Variants in PRKAG1 observed in about 807,000 individuals in gnomAD.
The protein encoded by PRKAG1 is protein kinase AMP-activated non-catalytic subunit gamma 1, also known as 5'-AMP-activated protein kinase subunit gamma-1.
A neutral mutation model predicts 48.2 loss-of-function variants in PRKAG1; 27 were observed. The observed-to-expected ratio is 0.56, with a 90% CI of 0.41 to 0.77. The LOEUF (loss-of-function observed/expected upper bound fraction) is 0.77, where lower values mean the gene tolerates loss of function less well. PRKAG1 is among the 30% of genes least tolerant of loss of function. The probability of loss-of-function intolerance (pLI) is 0.00; values close to 1 mark genes in which losing one functional copy is unlikely to be tolerated. For synonymous variants in PRKAG1, 130 were observed against 147.7 expected (o/e 0.88, Z 0.87); for missense variants, 287 against 398.3 (o/e 0.72, Z 2.38).
At chr12:49,008,067 C>G (rs1941615458) in intron 2 of PRKAG1, among the ~76,000 whole-genome samples, 1 of 152,096 alleles carries the variant, frequency 6.6e-6, no homozygotes, top group African/African-American at 2.4e-5. Flanking sequence ...CCACATTGGC[C>G]AGGCTGATCT....
At chr12:49,008,865 G>A (rs1941651212) in intron 2 of PRKAG1, among the ~76,000 whole-genome samples, 1 of 152,078 alleles carries the variant, frequency 6.6e-6, no homozygotes, top group Admixed American at 6.6e-5. Flanking sequence ...TGTTTCCAGT[G>A]TTCTGAAATC....
Position 49,002,622 on chromosome 12 carries a change from C to CTA in PRKAG1, c.*275_*276dup. 1 of 511,090 alleles carries CTA rather than the reference C, an allele frequency of 2.0e-6. No individual in the cohort carries two copies. The highest frequency in any genetic ancestry group is 3.6e-6 in the Non-Finnish European group (1 of 279,156). 31.7% of individuals were successfully genotyped at this position (511,090 alleles called of 1,614,324 possible). ...AGAATTTGTCTGAGAGGCACAGAGC[C>CTA]TATAGTTCACCCAGAAAGGGGGATA... On this transcript the variant is annotated 3_prime_UTR_variant, in exon 12 of 12. Coordinates refer to ENST00000548065, the MANE Select transcript of PRKAG1 (RefSeq NM_002733.5).
Position 49,005,433 on chromosome 12 carries a change from A to G in PRKAG1, c.250+29T>C. 1 of 1,614,052 alleles carries G rather than the reference A, an allele frequency of 6.2e-7. No homozygotes were observed. Among genetic ancestry groups the G allele is most frequent in the Non-Finnish European group, 8.5e-7 (1 of 1,180,018 alleles). ...TCCCTGCCCAGCACAAGATGCCAAT[A>G]ATATTGTGTTCCAGAAACTTTTGCT... is the stretch of plus-strand genomic sequence containing the variant. On this transcript the variant is annotated intron_variant, in intron 4 of 11. Transcript: ENST00000548065. The surrounding 1 kb of genome is among the most constrained non-coding windows in gnomAD (Gnocchi z 4.1).
intron 2 of PRKAG1, among the ~76,000 whole-genome samples, chr12:49,009,974 G>T (rs1941693173): frequency 6.6e-6 from 1 of 152,176 alleles, no homozygotes; most frequent in African/African-American, 2.4e-5. Context: ...CTTTATCTAA[G>T]ATTATATTAA....
intron 8 of PRKAG1, chr12:49,004,198 C>A (rs765234015): frequency 1.2e-5 from 6 of 516,012 alleles, no homozygotes. Flanking sequence ...GGGTTGAGGT[C>A]GGGGGTCACC....
At chr12:49,003,313 T>C (rs1941372080) in intron 10 of PRKAG1, 23 bp from the exon 11 acceptor site, 1 of 1,613,720 alleles carries the variant, frequency 6.2e-7, no homozygotes, top group Non-Finnish European at 8.5e-7. Flanking sequence ...AGGAAGGAGC[T>C]TGCAGGGAAG....
chr12:49,017,295 G>C (rs1942023293), intron 1 of PRKAG1: 1 of 439,412 alleles, frequency 2.3e-6, no homozygotes, highest in Admixed American at 2.6e-5. Flanking sequence ...CCACCTCTTT[G>C]GATCAAGCGA....
rs369521494 is a variant in PRKAG1 at position 49,003,789 on chromosome 12, C to T, written c.671G>A (p.Arg224Gln). Residue 224 changes from arginine to glutamine, a missense_variant, in exon 9 of 12, where the codon CGA becomes CAA. Coordinates refer to ENST00000548065, the MANE Select transcript of PRKAG1 (RefSeq NM_002733.5). ...YVALGIFVQH[R>Q]VSALPVVDEK... ...ATCCACCACTGGCAGGGCTGAGACT[C>T]GATGCTGTACAAAAATCCCCAGAGC... is the stretch of plus-strand genomic sequence containing the variant. The T allele has an allele frequency of 1.2e-6, 2 of 1,613,436 alleles. No individual in the cohort carries two copies. Among genetic ancestry groups the T allele is most frequent in the African/African-American group, 1.3e-5 (1 of 74,870 alleles).
intron 1 of PRKAG1, 25 bp downstream of exon 1, chr12:49,018,707 C>A: frequency 6.2e-7 from 1 of 1,613,552 alleles, no homozygotes; most frequent in Non-Finnish European, 8.5e-7. Context: ...CACAGCGCCC[C>A]CGACCGCCCT....
intron 1 of PRKAG1, among the ~76,000 whole-genome samples, chr12:49,014,201 G>T (rs900681116): frequency 3.3e-5 from 5 of 152,072 alleles, no homozygotes; most frequent in African/African-American, 1.2e-4. Context: ...TAAAATTTTT[G>T]AATGTATTTA....
chr12:49,013,341 C>T (rs1446329743), intron 1 of PRKAG1, among the ~76,000 whole-genome samples: 2 of 152,036 alleles, frequency 1.3e-5, no homozygotes, highest in Admixed American at 1.3e-4. Flanking sequence ...TCCTCGGGGT[C>T]AGGTGATCCT....
Position 49,003,147 on chromosome 12 carries a change from T to C in PRKAG1, c.885A>G (p.Ala295=). ...TTAGGGTTGCTGGCCTCCCTACCTC[T>C]GCTTCCACTAGCCTGTTGATGATGG... ...LETIINRLVE[A]EVHRLVVVDE... is the part of the protein sequence containing the mutation. The change falls in exon 11 of 12, where the codon GCA becomes GCG. Residue 295 remains alanine, a synonymous_variant. Coordinates refer to ENST00000548065, the MANE Select transcript of PRKAG1 (RefSeq NM_002733.5). 6.2e-7 allele frequency: 1 copy of C among 1,614,206 alleles called. No homozygotes were observed. Among genetic ancestry groups the C allele is most frequent in the Non-Finnish European group, 8.5e-7 (1 of 1,180,016 alleles).
At chr12:49,007,242 G>A (rs946245268) in intron 2 of PRKAG1, among the ~76,000 whole-genome samples, 53 of 150,364 alleles carry the variant, frequency 3.5e-4, no homozygotes, top group Non-Finnish European at 6.0e-4. Flanking sequence ...AGACGAGATT[G>A]TGCCTCTGCA....
At chr12:49,009,854 C>T (rs1941688015) in intron 2 of PRKAG1, among the ~76,000 whole-genome samples, 1 of 152,206 alleles carries the variant, frequency 6.6e-6, no homozygotes, top group Non-Finnish European at 1.5e-5. Context: ...CTCAGGTGAT[C>T]TGCCTGCCTC....
chr12:49,015,875 C>T lies in PRKAG1; in HGVS notation c.10-2765G>A, dbSNP rs541583610. On this transcript the variant is annotated intron_variant, in intron 1 of 11. Transcript: ENST00000548065. Reference sequence around the variant, plus strand: ...ACAGGTATGCGCCACCGAGCCTGGCCGTGACTTTTAACTTTCTGCCTGTTT... The same window carrying T: ...ACAGGTATGCGCCACCGAGCCTGGCTGTGACTTTTAACTTTCTGCCTGTTT... 5.9e-5 allele frequency among the ~76,000 whole-genome samples: 9 copies of T among 151,962 alleles called. No homozygotes were observed. The East Asian group carries it at 9.7e-4, about 16-fold the overall frequency.
chr12:49,007,772 C>A (rs1035018678), intron 2 of PRKAG1, among the ~76,000 whole-genome samples: 1 of 151,892 alleles, frequency 6.6e-6, no homozygotes, highest in East Asian at 1.9e-4. Context: ...CTCTCTCCTA[C>A]TAGGACTCCA....
intron 11 of PRKAG1, 35 bp from the exon 12 acceptor site, chr12:49,003,041 T>A (rs200683834): frequency 1.9e-5 from 31 of 1,613,060 alleles, no homozygotes; most frequent in African/African-American, 4.0e-5. Flanking sequence ...AGGGAATGTT[T>A]AGTGCTGGCC....
intron 10 of PRKAG1, 123 bp from the exon 11 acceptor site, chr12:49,003,413 T>G: frequency 6.5e-7 from 1 of 1,531,158 alleles, no homozygotes; most frequent in Middle Eastern, 1.7e-4. Context: ...CCCAACTCAT[T>G]CAATTCCTTT....
At chr12:49,007,874 T>TTTTG (rs1377434092) in intron 2 of PRKAG1, among the ~76,000 whole-genome samples, 8 of 151,856 alleles carry the variant, frequency 5.3e-5, no homozygotes, top group Admixed American at 3.9e-4. Context: ...TTTTTTTTTT[T>TTTTG]TTTGAGAGGG....
Sources: gnomAD v4.1 joint callset for allele counts (sites outside exome capture counted in the v4.1 genomes callset) on GRCh38, gnomAD v4.1.1 for gene constraint, Gnocchi (gnomAD v3.1) non-coding constraint, MANE v1.5 for transcripts, NCBI Gene and HGNC (gene_info 2026-07-23, HGNC 2026-07-21) for gene names.